The following NDRG3 variants were observed in gnomAD, a reference collection of about 807,000 sequenced individuals.
NDRG3 encodes the protein NDRG family member 3, also known as protein NDRG3.
In NDRG3, 23 loss-of-function variants were observed where a neutral mutation model predicts 57.2. The ratio of observed to expected loss-of-function variants is 0.40; its 90% confidence interval spans 0.29 to 0.57. The LOEUF (loss-of-function observed/expected upper bound fraction) is 0.57, where lower values mean the gene tolerates loss of function less well. Among genes scored for constraint, NDRG3 ranks in the 20% least tolerant of loss-of-function variants. The pLI is 0.42. For synonymous variants in NDRG3, 132 were observed against 162.6 expected (o/e 0.81, Z 1.43); for missense variants, 384 against 457.3 (o/e 0.84, Z 1.46).
rs1021631192 is a variant in NDRG3, at chr20:36,699,270, G to A, written c.93+7702C>T. ...TATAACTAAAGTATAAAAACTTGGA[G>A]GAGAAACAAGGTACACTAACTTTAG... On this transcript the variant is annotated intron_variant, in intron 3 of 15. Transcript: ENST00000349004. 3.9e-5 allele frequency among the ~76,000 whole-genome samples: 6 copies of A among 152,226 alleles called. No individual in the cohort carries two copies. In the East Asian group the frequency reaches 1.2e-3, roughly 29 times the overall value.
chr20:36,725,366 C>A (rs113224786), intron 1 of NDRG3, among the ~76,000 whole-genome samples: 4,373 of 151,150 alleles, frequency 0.029, 100 homozygotes, highest in Non-Finnish European at 0.042. Context: ...TCCCAGCACG[C>A]TGGGAGGCCA....
intron 1 of NDRG3, among the ~76,000 whole-genome samples, chr20:36,731,361 C>T (rs906888774): frequency 6.6e-6 from 1 of 152,074 alleles, no homozygotes; most frequent in Non-Finnish European, 1.5e-5. Flanking sequence ...TGGAGGAAAA[C>T]TGTCAAATGC....
chr20:36,719,902 G>C (rs1457969037), intron 2 of NDRG3, among the ~76,000 whole-genome samples: 1 of 152,008 alleles, frequency 6.6e-6, no homozygotes. Flanking sequence ...AGATCACAAG[G>C]TCAGGAGTTC....
chr20:36,733,159 AAAAAAAAAAAAAATATAT>A (rs1355865485), intron 1 of NDRG3, among the ~76,000 whole-genome samples: 1 of 46,972 alleles, frequency 2.1e-5, no homozygotes, highest in Non-Finnish European at 4.3e-5. Flanking sequence ...AAAAAAAAAA[AAAAAAAAAAAAAATATAT>A]ATATATATAT....
intron 13 of NDRG3, 22 bp from the exon 14 acceptor site, chr20:36,656,554 AGT>A: frequency 6.2e-7 from 1 of 1,613,982 alleles, no homozygotes; most frequent in Non-Finnish European, 8.5e-7. Flanking sequence ...AAAATATGCA[AGT>A]CAGCTGGGAC....
chr20:36,680,748 T>C (rs1380521682), intron 8 of NDRG3, 68 bp downstream of exon 8: 5 of 1,263,810 alleles, frequency 4.0e-6, no homozygotes, highest in Non-Finnish European at 5.8e-6. Flanking sequence ...TATACCTCAA[T>C]GAAAAACTGG....
intron 5 of NDRG3, among the ~76,000 whole-genome samples, chr20:36,685,799 A>C (rs1261858312): frequency 1.3e-5 from 2 of 152,162 alleles, no homozygotes; most frequent in African/African-American, 4.8e-5. Context: ...GCTCAAGCCC[A>C]GGAGTTCGAG....
chr20:36,723,321 A>G (rs998170994), intron 1 of NDRG3, among the ~76,000 whole-genome samples: 1 of 152,194 alleles, frequency 6.6e-6, no homozygotes, highest in Non-Finnish European at 1.5e-5. Flanking sequence ...CTATCTCACC[A>G]TGCAAGAAGC....
At chr20:36,714,781 T>C (rs1425716913) in intron 2 of NDRG3, among the ~76,000 whole-genome samples, 4 of 151,330 alleles carry the variant, frequency 2.6e-5, no homozygotes, top group African/African-American at 9.7e-5. Flanking sequence ...GCCCGGCTAA[T>C]TTTTTATTTT....
At chr20:36,685,485 A>G (rs995513287) in intron 5 of NDRG3, among the ~76,000 whole-genome samples, 6 of 151,956 alleles carry the variant, frequency 3.9e-5, no homozygotes, top group Admixed American at 2.6e-4. Flanking sequence ...TAATTTTTCA[A>G]TTTTTTGTAG....
chr20:36,683,769 C>A (rs1981538920), intron 6 of NDRG3, among the ~76,000 whole-genome samples: 1 of 151,410 alleles, frequency 6.6e-6, no homozygotes, highest in African/African-American at 2.4e-5. Context: ...CTGTCAGTAT[C>A]CAACCCATCA....
At chr20:36,679,480 G>A (rs751572823) in intron 8 of NDRG3, among the ~76,000 whole-genome samples, 65 of 151,632 alleles carry the variant, frequency 4.3e-4, no homozygotes, top group Non-Finnish European at 8.2e-4. Flanking sequence ...CTAAAGAACC[G>A]TTTAGAACTC....
chr20:36,727,108 G>C (rs904651039), intron 1 of NDRG3, among the ~76,000 whole-genome samples: 33 of 152,186 alleles, frequency 2.2e-4, no homozygotes, highest in Admixed American at 2.1e-3. Context: ...AGTAAAGACA[G>C]GGCTTCCCTG....
intron 9 of NDRG3, 83 bp downstream of exon 9, chr20:36,671,258 G>C: frequency 8.7e-7 from 1 of 1,150,776 alleles, no homozygotes; most frequent in Non-Finnish European, 1.3e-6. Flanking sequence ...TAAATTCTAA[G>C]GCAGCCCTTC....
At chr20:36,690,833 T>C (rs914728950) in intron 3 of NDRG3, among the ~76,000 whole-genome samples, 1 of 149,348 alleles carries the variant, frequency 6.7e-6, no homozygotes, top group Non-Finnish European at 1.5e-5. Context: ...AGGAACCGAA[T>C]AGAGCAGACA....
chr20:36,742,628 T>C (rs550108704), intron 1 of NDRG3, among the ~76,000 whole-genome samples: 5 of 152,356 alleles, frequency 3.3e-5, no homozygotes, highest in South Asian at 4.1e-4. Flanking sequence ...TACAATTTTA[T>C]GAAACACCCC....
rs6016198 is a variant in NDRG3, at chr20:36,681,198, G to A, written c.445-296C>T. ...TGGATCTTCCTCATTGGGAAAGTGC[G>A]CTTGGCACAAGCAGCTGCTCCATGC... On this transcript the variant is annotated intron_variant, in intron 7 of 15. Transcript: ENST00000349004. Among the ~76,000 whole-genome samples the A allele has an allele frequency of 3.9e-5, 6 of 152,154 alleles. No individual in the cohort carries two copies. In the East Asian group the frequency reaches 7.7e-4, roughly 20 times the overall value.
chr20:36,719,257 T>C (rs1200228176), intron 2 of NDRG3, among the ~76,000 whole-genome samples: 1 of 151,770 alleles, frequency 6.6e-6, no homozygotes, highest in East Asian at 1.9e-4. Flanking sequence ...TGAAACCCCA[T>C]CTCTAGTCAA....
intron 3 of NDRG3, among the ~76,000 whole-genome samples, chr20:36,705,237 C>T (rs1411813292): frequency 1.3e-5 from 2 of 150,476 alleles, no homozygotes; most frequent in Non-Finnish European, 1.5e-5. Context: ...AGGAGAATCG[C>T]TTGAATCCAG....
Sources: allele counts gnomAD v4.1 joint callset (sites outside exome capture counted in the v4.1 genomes callset), GRCh38; gene constraint gnomAD v4.1.1; transcripts MANE v1.5; gene names NCBI Gene and HGNC (gene_info 2026-07-23, HGNC 2026-07-21).